ENOX1: variants seen among roughly 807,000 people sequenced by gnomAD.
ENOX1 encodes the protein candidate growth-related and time keeping constitutive hydroquinone (NADH) oxidase.
A neutral mutation model predicts 82.5 loss-of-function variants in ENOX1; 42 were observed. The ratio of observed to expected loss-of-function variants is 0.51; its 90% confidence interval spans 0.40 to 0.66. The LOEUF (loss-of-function observed/expected upper bound fraction) is 0.66. Among genes scored for constraint, ENOX1 ranks in the 30% least tolerant of loss-of-function variants. The probability of loss-of-function intolerance (pLI) is 0.00; values close to 1 mark genes in which losing one functional copy is unlikely to be tolerated. For missense variants in ENOX1, 608 were observed against 811.6 expected (o/e 0.75, Z 3.05); for synonymous variants, 271 against 282.2 (o/e 0.96, Z 0.40).
intron 1 of ENOX1, among the ~76,000 whole-genome samples, chr13:43,774,474 GTGAT>G (rs143462438): frequency 0.14 from 21,799 of 152,078 alleles, 1,769 homozygotes; most frequent in East Asian, 0.32. Flanking sequence ...AGGTGTGCAC[GTGAT>G]TGATTTTTTC....
At chr13:43,656,020 C>G (rs1399327262) in intron 2 of ENOX1, among the ~76,000 whole-genome samples, 1 of 152,066 alleles carries the variant, frequency 6.6e-6, no homozygotes, top group Non-Finnish European at 1.5e-5. Flanking sequence ...CTATTTTTGC[C>G]TTTTCTCATA....
intron 11 of ENOX1, among the ~76,000 whole-genome samples, chr13:43,308,719 A>G (rs1242530639): frequency 6.6e-6 from 1 of 152,198 alleles, no homozygotes; most frequent in Non-Finnish European, 1.5e-5. Context: ...ACCTGCGGCC[A>G]TTGGTATGTG....
chr13:43,376,694 CACAGGATA>C (rs2051659304), intron 5 of ENOX1, among the ~76,000 whole-genome samples: 1 of 152,120 alleles, frequency 6.6e-6, no homozygotes, highest in African/African-American at 2.4e-5. Flanking sequence ...ATCCTAATTC[CACAGGATA>C]ATGTCAGAGA....
chr13:43,527,849 C>T (rs1328442081), intron 2 of ENOX1, among the ~76,000 whole-genome samples: 2 of 152,094 alleles, frequency 1.3e-5, no homozygotes, highest in African/African-American at 4.8e-5. Flanking sequence ...TATGTTTCTG[C>T]TTTCTTCTAA....
rs201052973 is a variant in ENOX1, at chr13:43,470,402, A to G, written c.-75+13607T>C. On this transcript the variant is annotated intron_variant, in intron 3 of 16. Transcript: ENST00000690772. ...CATATATATACGTATATATATGTGT[A>G]TATATATATATATATAACAGAGATA... Among the ~76,000 whole-genome samples, 104 of 130,692 alleles carry G rather than the reference A, an allele frequency of 8.0e-4. 12 individuals carry two copies. Among genetic ancestry groups the G allele is most frequent in the East Asian group, 7.2e-3 (34 of 4,724 alleles). The allele number at this position is 130,692 out of a possible 152,430, so 85.7% of individuals were successfully genotyped here. A position where few individuals can be genotyped will look rare whatever the true frequency, so the allele number is the denominator to read the frequency against.
At chr13:43,762,811 C>A (rs560953637) in intron 1 of ENOX1, among the ~76,000 whole-genome samples, 40 of 152,254 alleles carry the variant, frequency 2.6e-4, no homozygotes, top group African/African-American at 9.1e-4. Context: ...CATATGAAGC[C>A]TCTGAAGCAT....
At chr13:43,628,154 A>G (rs1371334673) in intron 2 of ENOX1, among the ~76,000 whole-genome samples, 1 of 152,112 alleles carries the variant, frequency 6.6e-6, no homozygotes, top group Non-Finnish European at 1.5e-5. Flanking sequence ...CAAATTTGAG[A>G]AATTTTCAGC....
chr13:43,512,252 T>C (rs2077396998), intron 2 of ENOX1, among the ~76,000 whole-genome samples: 1 of 152,262 alleles, frequency 6.6e-6, no homozygotes, highest in East Asian at 1.9e-4. Flanking sequence ...TCTTATGTAC[T>C]ATATACTTCT....
intron 3 of ENOX1, among the ~76,000 whole-genome samples, chr13:43,417,126 G>A (rs2054644406): frequency 6.6e-6 from 1 of 152,146 alleles, no homozygotes; most frequent in African/African-American, 2.4e-5. Context: ...GGAGAATCAG[G>A]GGAGCCCGAG....
chr13:43,594,018 C>G (rs546277005), intron 2 of ENOX1, among the ~76,000 whole-genome samples: 4 of 152,218 alleles, frequency 2.6e-5, no homozygotes, highest in Admixed American at 2.6e-4. Context: ...CCAACAACGC[C>G]AGGCCCCATT....
intron 15 of ENOX1, among the ~76,000 whole-genome samples, chr13:43,229,855 G>C (rs1330844137): frequency 6.6e-6 from 1 of 152,216 alleles, no homozygotes; most frequent in Non-Finnish European, 1.5e-5. Flanking sequence ...TCTCAGATGA[G>C]AATATTGGGG....
At chr13:43,691,874 G>T (rs917897226) in intron 1 of ENOX1, among the ~76,000 whole-genome samples, 1 of 151,842 alleles carries the variant, frequency 6.6e-6, no homozygotes, top group African/African-American at 2.4e-5. Context: ...CTAATTTTTT[G>T]TATTTTTAGT....
chr13:43,658,345 T>G (rs903665), intron 2 of ENOX1, among the ~76,000 whole-genome samples: 1 of 152,272 alleles, frequency 6.6e-6, no homozygotes, highest in Non-Finnish European at 1.5e-5. Context: ...CTTAGTTTTT[T>G]GATTTCAGGT....
intron 3 of ENOX1, among the ~76,000 whole-genome samples, chr13:43,475,892 T>C (rs2058262884): frequency 6.6e-6 from 1 of 150,510 alleles, no homozygotes; most frequent in Non-Finnish European, 1.5e-5. Context: ...GCTCTTAAAA[T>C]TTTACCATAA....
chr13:43,506,988 A>T lies in ENOX1; in HGVS notation c.-218-22836T>A, dbSNP rs1439760076. 4.7e-4 allele frequency among the ~76,000 whole-genome samples: 4 copies of T among 8,468 alleles called. No individual in the cohort carries two copies. The South Asian group carries it at 0.074, about 157-fold the overall frequency. 5.6% of individuals were successfully genotyped at this position (8,468 alleles called of 152,430 possible). A position where few individuals can be genotyped will look rare whatever the true frequency, so the allele number is the denominator to read the frequency against. On this transcript the variant is annotated intron_variant, in intron 2 of 16. Transcript: ENST00000690772. ...GTACCCTAAAACTTAAAGTATAATAAAAAAAAACCCTTGAGGGAATTTGAG... is the reference window on the plus strand; with the variant it reads ...GTACCCTAAAACTTAAAGTATAATATAAAAAAACCCTTGAGGGAATTTGAG...
At chr13:43,522,722 C>T (rs2077825624) in intron 2 of ENOX1, among the ~76,000 whole-genome samples, 1 of 152,004 alleles carries the variant, frequency 6.6e-6, no homozygotes, top group African/African-American at 2.4e-5. Flanking sequence ...GCACTGGTAC[C>T]CAGATTTGTG....
chr13:43,277,623 T>C (rs1299346082), intron 12 of ENOX1, among the ~76,000 whole-genome samples: 1 of 152,196 alleles, frequency 6.6e-6, no homozygotes, highest in East Asian at 1.9e-4. Context: ...ATGCACACTG[T>C]GTGCGTACAT....
At chr13:43,650,103 A>C (rs73184198) in intron 2 of ENOX1, among the ~76,000 whole-genome samples, 3,933 of 152,286 alleles carry the variant, frequency 0.026, 73 homozygotes, top group Non-Finnish European at 0.04. Context: ...TGAAGAGGGA[A>C]GGGAAGGAAC....
chr13:43,549,150 A>C (rs2079086894), intron 2 of ENOX1, among the ~76,000 whole-genome samples: 1 of 152,222 alleles, frequency 6.6e-6, no homozygotes, highest in South Asian at 2.1e-4. Context: ...AAAATAGTAA[A>C]AATTTATGGA....
Sources: gnomAD v4.1 joint callset for allele counts (sites outside exome capture counted in the v4.1 genomes callset) on GRCh38, gnomAD v4.1.1 for gene constraint, MANE v1.5 for transcripts, NCBI Gene and HGNC (gene_info 2026-07-23, HGNC 2026-07-21) for gene names.